TBCD: variants seen among roughly 807,000 people sequenced by gnomAD.
The protein encoded by TBCD is tubulin-specific chaperone D.
In TBCD, 105 loss-of-function variants were observed where a neutral mutation model predicts 169.3. The observed-to-expected ratio is 0.62, with a 90% CI of 0.53 to 0.73. The LOEUF is 0.73. TBCD is among the 30% of genes least tolerant of loss of function. The probability of loss-of-function intolerance (pLI) is 0.00; values close to 1 mark genes in which losing one functional copy is unlikely to be tolerated. For synonymous variants in TBCD, 700 were observed against 643.9 expected (o/e 1.09, Z -1.32); for missense variants, 1,444 against 1,600.1 (o/e 0.90, Z 1.66).
At chr17:82,823,640 A>G (rs1443305596) in intron 13 of TBCD, among the ~76,000 whole-genome samples, 1 of 151,700 alleles carries the variant, frequency 6.6e-6, no homozygotes, top group Non-Finnish European at 1.5e-5. Context: ...CGTTGTCGGC[A>G]TCTTCTCTTA....
chr17:82,908,219 G>A (rs2060380706), intron 21 of TBCD: 1 of 436,834 alleles, frequency 2.3e-6, no homozygotes, highest in African/African-American at 2.0e-5. Context: ...GCCAACTCTG[G>A]GTGGGGGCAT....
At chr17:82,860,306 C>G (rs934963692) in intron 13 of TBCD, 10 of 943,008 alleles carry the variant, frequency 1.1e-5, no homozygotes, top group Non-Finnish European at 1.3e-5. Flanking sequence ...ATGGCGGTCA[C>G]GCTGCGCTGA....
chr17:82,792,126 G>A (rs2049776526), intron 7 of TBCD, among the ~76,000 whole-genome samples: 1 of 152,166 alleles, frequency 6.6e-6, no homozygotes, highest in Non-Finnish European at 1.5e-5. Flanking sequence ...TGGCTAAAAT[G>A]GTGAAACCCC....
chr17:82,830,559 A>G (rs1422632231), intron 13 of TBCD: 1 of 1,614,012 alleles, frequency 6.2e-7, no homozygotes, highest in Admixed American at 1.7e-5. Flanking sequence ...CTTCTGTCCC[A>G]GTCTTCTGTG....
chr17:82,869,818 T>C (rs558255283), intron 13 of TBCD, among the ~76,000 whole-genome samples: 1 of 151,966 alleles, frequency 6.6e-6, no homozygotes, highest in South Asian at 2.1e-4. Context: ...GGCATCTGCG[T>C]CTCTCCCTCC....
At chr17:82,795,024 A>C (rs944930322) in intron 7 of TBCD, among the ~76,000 whole-genome samples, 2 of 152,160 alleles carry the variant, frequency 1.3e-5, no homozygotes, top group African/African-American at 4.8e-5. Flanking sequence ...GGGCCTTTCC[A>C]GGTGTGGGGC....
At chr17:82,840,278 T>C (rs2054359521) in intron 13 of TBCD, 1 of 152,236 alleles carries the variant, frequency 6.6e-6, no homozygotes, top group Non-Finnish European at 1.5e-5. Context: ...GGGCTTTCGA[T>C]GTGTCCGCAG....
Position 82,923,486 on chromosome 17 carries a change from G to A in TBCD, c.2179-166G>A, listed in dbSNP as rs931236843. On this transcript the variant is annotated intron_variant, in intron 25 of 38. Transcript: ENST00000355528. This position sits in a 1 kb window ranked among gnomAD's most constrained non-coding sequence, Gnocchi z 4.6. ...TGGCCGGGTGCTTCTCCAACCTCAG[G>A]GCGACCCGCTGGGTCCCTGGTCAGG... 7.9e-5 allele frequency among the ~76,000 whole-genome samples: 12 copies of A among 151,978 alleles called. No individual in the cohort carries two copies. Among genetic ancestry groups the A allele is most frequent in the African/African-American group, 2.7e-4 (11 of 41,362 alleles).
chr17:82,837,680 G>T (rs1224940502), intron 13 of TBCD, among the ~76,000 whole-genome samples: 2 of 152,190 alleles, frequency 1.3e-5, no homozygotes, highest in Non-Finnish European at 2.9e-5. Flanking sequence ...TTTCCCACTG[G>T]ATCGGCAGGA....
At chr17:82,827,898 C>A (rs1391102338) in intron 13 of TBCD, among the ~76,000 whole-genome samples, 1 of 135,546 alleles carries the variant, frequency 7.4e-6, no homozygotes, top group African/African-American at 2.9e-5. Flanking sequence ...CCCACACAAT[C>A]TAATGCACAC....
chr17:82,878,922 G>A (rs910965897), intron 14 of TBCD, among the ~76,000 whole-genome samples: 1 of 152,046 alleles, frequency 6.6e-6, no homozygotes, highest in Non-Finnish European at 1.5e-5. Context: ...CTGTTTGGGG[G>A]TTATCATCTA....
At position 82,943,829 on chromosome 17, in the gene TBCD, A is replaced by G. The variant is rs1210357323; in HGVS notation, c.*1366A>G. 3 of 152,244 alleles carry G rather than the reference A, an allele frequency of 2.0e-5. No individual in the cohort carries two copies. Among genetic ancestry groups the G allele is most frequent in the East Asian group, 3.8e-4 (2 of 5,196 alleles). The allele number at this position is 152,244 out of a possible 1,614,324, so 9.4% of individuals were successfully genotyped here. On this transcript the variant is annotated 3_prime_UTR_variant, in exon 39 of 39. Transcript: ENST00000355528. Reference sequence around the variant, plus strand: ...TAAATATTTTATTCCAACCTGTGTAATAGGGGTCTCCTCCTCCTTGAACTG... The same window carrying G: ...TAAATATTTTATTCCAACCTGTGTAGTAGGGGTCTCCTCCTCCTTGAACTG...
intron 16 of TBCD, among the ~76,000 whole-genome samples, chr17:82,891,154 A>C (rs555618137): frequency 6.6e-6 from 1 of 152,222 alleles, no homozygotes; most frequent in Non-Finnish European, 1.5e-5. Flanking sequence ...GCCCAGTCGC[A>C]TAGGGAGCCA....
At chr17:82,829,389 C>T (rs1156918217) in intron 13 of TBCD, 1 of 154,452 alleles carries the variant, frequency 6.5e-6, no homozygotes, top group Non-Finnish European at 1.5e-5. Context: ...TAATCGCTGC[C>T]ACAGCTATCA....
intron 13 of TBCD, among the ~76,000 whole-genome samples, chr17:82,818,843 G>A (rs1179620778): frequency 1.3e-5 from 2 of 152,204 alleles, no homozygotes; most frequent in African/African-American, 4.8e-5. Flanking sequence ...AAGGCGGGGG[G>A]ATCACCTGAG....
chr17:82,936,471 T>C (rs1454677700), intron 34 of TBCD, among the ~76,000 whole-genome samples: 1 of 152,218 alleles, frequency 6.6e-6, no homozygotes, highest in African/African-American at 2.4e-5. Context: ...CTGAGCGGGT[T>C]TCTTTGTCTT....
Position 82,942,803 on chromosome 17 carries a change from G to A in TBCD, c.*340G>A. The A allele has an allele frequency of 2.4e-6, 1 of 412,724 alleles. No homozygotes were observed. The highest frequency in any genetic ancestry group is 4.3e-6 in the Non-Finnish European group (1 of 230,554). The allele number at this position is 412,724 out of a possible 1,614,324, so 25.6% of individuals were successfully genotyped here. A position where few individuals can be genotyped will look rare whatever the true frequency, so the allele number is the denominator to read the frequency against. ...AGGGGAGGTGGGCTGCACTCCTCCTGCCTGGAGACCAGGCCCCCTTCTTGC... is the reference window on the plus strand; with the variant it reads ...AGGGGAGGTGGGCTGCACTCCTCCTACCTGGAGACCAGGCCCCCTTCTTGC... On this transcript the variant is annotated 3_prime_UTR_variant, in exon 39 of 39. Coordinates refer to ENST00000355528, the MANE Select transcript of TBCD (RefSeq NM_005993.5).
intron 13 of TBCD, among the ~76,000 whole-genome samples, chr17:82,825,428 C>A (rs2052757867): frequency 6.6e-6 from 1 of 152,238 alleles, no homozygotes; most frequent in East Asian, 1.9e-4. Flanking sequence ...TATTTTTGTT[C>A]TTTGCCAAAA....
intron 13 of TBCD, among the ~76,000 whole-genome samples, chr17:82,865,816 C>G (rs1310740438): frequency 1.3e-5 from 2 of 152,176 alleles, no homozygotes; most frequent in African/African-American, 4.8e-5. Context: ...GCAGTGGGGA[C>G]TGTGGTGCTC....
Sources: gnomAD v4.1 joint callset for allele counts (sites outside exome capture counted in the v4.1 genomes callset) on GRCh38, gnomAD v4.1.1 for gene constraint, Gnocchi (gnomAD v3.1) non-coding constraint, MANE v1.5 for transcripts, NCBI Gene and HGNC (gene_info 2026-07-23, HGNC 2026-07-21) for gene names.